The following CCSER2 variants were observed in gnomAD, a reference collection of about 807,000 sequenced individuals.
CCSER2 encodes the protein serine-rich coiled-coil domain-containing protein 2.
A neutral mutation model predicts 92.3 loss-of-function variants in CCSER2; 46 were observed. The observed-to-expected ratio is 0.50, with a 90% confidence interval of 0.39 to 0.64. The LOEUF is 0.64. Ranked by LOEUF, CCSER2 falls within the 30% of genes least tolerant of loss-of-function variation. The probability of loss-of-function intolerance (pLI) is 0.00; values close to 1 mark genes in which losing one functional copy is unlikely to be tolerated. For missense variants in CCSER2, 1,244 were observed against 1,238.9 expected, an observed-to-expected ratio of 1.00 and a Z score of -0.06; for synonymous variants, 433 against 431.4, an observed-to-expected ratio of 1.00 and a Z score of -0.04.
Position 84,372,051 on chromosome 10 carries a change from T to C in CCSER2, c.999T>C (p.Thr333=). 1.2e-6 allele frequency: 2 copies of C among 1,613,894 alleles called. No homozygotes were observed. The highest frequency in any genetic ancestry group is 1.7e-6 in the Non-Finnish European group (2 of 1,179,844). Residue 333 remains threonine, a synonymous_variant, in exon 2 of 10, where the codon ACT becomes ACC. Coordinates refer to ENST00000372088, the MANE Select transcript of CCSER2 (RefSeq NM_001284240.2). ...LKSSRSPFSG[T]MTVDGNKNSP... is the part of the protein sequence containing the mutation. ...CTAGCCGATCTCCATTTTCTGGGAC[T>C]ATGACAGTTGATGGAAATAAAAATT...
intron 4 of CCSER2, chr10:84,424,992 C>A: frequency 1.0e-6 from 1 of 984,876 alleles, no homozygotes; most frequent in Non-Finnish European, 1.2e-6. Flanking sequence ...CAATGTCTCC[C>A]TTGTGCAAAG....
At chr10:84,478,530 G>T (rs1388252634) in intron 9 of CCSER2, among the ~76,000 whole-genome samples, 1 of 152,162 alleles carries the variant, frequency 6.6e-6, no homozygotes, top group Non-Finnish European at 1.5e-5. Flanking sequence ...GTTTATAAAA[G>T]AGTTTTGTTT....
rs536157641 is a variant in CCSER2 at position 84,342,705 on chromosome 10, T to C, written c.-40+13897T>C. 3.3e-5 allele frequency among the ~76,000 whole-genome samples: 5 copies of C among 152,274 alleles called. No homozygotes were observed. In the South Asian group the frequency reaches 8.3e-4, roughly 25 times the overall value. On this transcript the variant is annotated intron_variant, in intron 1 of 9. Transcript: ENST00000372088. ...ACTTCACACATTCTTTTTTTTTGCG[T>C]TGTGTACTACTCATTCCCCCGCAAC...
intron 5 of CCSER2, among the ~76,000 whole-genome samples, chr10:84,433,581 A>G (rs1236792161): frequency 6.6e-6 from 1 of 152,222 alleles, no homozygotes; most frequent in Non-Finnish European, 1.5e-5. Context: ...AGTGGGAAGA[A>G]TAAAGTTATT....
Position 84,372,063 on chromosome 10 carries a change from T to A in CCSER2, c.1011T>A (p.Asp337Glu). Residue 337 changes from aspartate to glutamate, a missense_variant, in exon 2 of 10, where the codon GAT becomes GAA. Asp to Glu is a conservative substitution (Grantham distance 45, BLOSUM62 2). Transcript: ENST00000372088. ...CATTTTCTGGGACTATGACAGTTGA[T>A]GGAAATAAAAATTCACCTGCTGACA... ...RSPFSGTMTV[D>E]GNKNSPADTC... 1 of 1,613,856 alleles carries A rather than the reference T, an allele frequency of 6.2e-7. No individual in the cohort carries two copies. Among genetic ancestry groups the A allele is most frequent in the South Asian group, 1.1e-5 (1 of 91,078 alleles).
At chr10:84,446,944 C>A (rs1844956286) in intron 6 of CCSER2, among the ~76,000 whole-genome samples, 1 of 151,042 alleles carries the variant, frequency 6.6e-6, no homozygotes, top group Non-Finnish European at 1.5e-5. Flanking sequence ...CATTAATTTT[C>A]ATTTCTCTAT....
At chr10:84,398,262 T>G (rs943035001) in intron 3 of CCSER2, among the ~76,000 whole-genome samples, 2 of 152,206 alleles carry the variant, frequency 1.3e-5, no homozygotes, top group Non-Finnish European at 2.9e-5. Context: ...CTGTCTGTCT[T>G]CTGCCTCCCT....
chr10:84,360,955 C>T (rs146938011), intron 1 of CCSER2, among the ~76,000 whole-genome samples: 94 of 152,322 alleles, frequency 6.2e-4, no homozygotes, highest in Non-Finnish European at 7.4e-4. Flanking sequence ...CATTCTGTTT[C>T]CTCCACATGC....
chr10:84,489,922 T>G (rs918120757), intron 9 of CCSER2, among the ~76,000 whole-genome samples: 1 of 152,228 alleles, frequency 6.6e-6, no homozygotes, highest in Admixed American at 6.5e-5. Context: ...GGAGCTCTTT[T>G]AGGGCAGGCC....
chr10:84,330,651 T>TA (rs1843514062), intron 1 of CCSER2, among the ~76,000 whole-genome samples: 1 of 152,242 alleles, frequency 6.6e-6, no homozygotes, highest in South Asian at 2.1e-4. Context: ...TAGCTGGAAT[T>TA]ATAGGCACAC....
In CCSER2 at chr10:84,373,703, T is replaced by C; in HGVS notation, c.1502T>C (p.Leu501Pro). ...TDYRAGSSFE[L>P]SPSDSSDGTY... ...TACAGAGCTGGTTCTTCGTTTGAAC[T>C]CTCTCCATCTGATAGCTCTGATGGA... Residue 501 changes from leucine to proline, a missense_variant, in exon 3 of 10, where the codon CTC becomes CCC. Physicochemically the swap from Leu to Pro is moderately conservative, Grantham distance 98. Coordinates refer to ENST00000372088, the MANE Select transcript of CCSER2 (RefSeq NM_001284240.2). 6.2e-7 allele frequency: 1 copy of C among 1,613,738 alleles called. No individual in the cohort carries two copies. The highest frequency in any genetic ancestry group is 8.5e-7 in the Non-Finnish European group (1 of 1,179,768).
intron 1 of CCSER2, among the ~76,000 whole-genome samples, chr10:84,358,668 A>G (rs976987313): frequency 3.4e-5 from 5 of 146,774 alleles, no homozygotes; most frequent in African/African-American, 5.1e-5. Flanking sequence ...ATACATATAC[A>G]TATATGTATA....
chr10:84,397,080 A>G (rs1023129014), intron 3 of CCSER2, among the ~76,000 whole-genome samples: 2 of 152,220 alleles, frequency 1.3e-5, no homozygotes, highest in Admixed American at 6.5e-5. Context: ...AAACTTCTGC[A>G]TATAAAAGTG....
In CCSER2 at chr10:84,514,230, A is replaced by G. The variant is rs1232832633; in HGVS notation, c.3107A>G (p.Asn1036Ser). 1 of 1,536,400 alleles carries G rather than the reference A, an allele frequency of 6.5e-7. No homozygotes were observed. Among genetic ancestry groups the G allele is most frequent in the Non-Finnish European group, 8.7e-7 (1 of 1,146,944 alleles). The change falls in exon 10 of 10, where the codon AAT becomes AGT. Residue 1036 changes from asparagine (N) to serine (S), a missense_variant. Asn to Ser is a conservative substitution (Grantham distance 46). Coordinates refer to ENST00000372088, the MANE Select transcript of CCSER2 (RefSeq NM_001284240.2). Reference protein sequence around the residue: ...NLHSGDCLASNRYSRLPKPKI... With the variant: ...NLHSGDCLASSRYSRLPKPKI... ...CATTCTGGGGATTGTTTGGCCTCTA[A>G]TCGATATTCTCGTCTTCCTAAACCA...
chr10:84,400,182 T>C (rs190698214), intron 3 of CCSER2, among the ~76,000 whole-genome samples: 1 of 152,330 alleles, frequency 6.6e-6, no homozygotes. Flanking sequence ...TTCTGTAGGC[T>C]TCTTGATAAT....
At chr10:84,380,583 A>G (rs767697810) in intron 3 of CCSER2, among the ~76,000 whole-genome samples, 8 of 152,062 alleles carry the variant, frequency 5.3e-5, no homozygotes, top group Non-Finnish European at 8.8e-5. Flanking sequence ...TTGTTTACAG[A>G]GAGATGTTAT....
intron 7 of CCSER2, among the ~76,000 whole-genome samples, chr10:84,468,322 A>G (rs1033264596): frequency 2.0e-5 from 3 of 152,140 alleles, no homozygotes; most frequent in African/African-American, 4.8e-5. Context: ...GCCTATCTTT[A>G]TATATAAAAT....
At chr10:84,391,532 G>A (rs1343728665) in intron 3 of CCSER2, 35 of 1,506,710 alleles carry the variant, frequency 2.3e-5, no homozygotes, top group Non-Finnish European at 3.1e-5. Flanking sequence ...CCCAAATCCA[G>A]AATTCATTTC....
intron 3 of CCSER2, among the ~76,000 whole-genome samples, chr10:84,379,251 G>T (rs1425687031): frequency 6.6e-6 from 1 of 152,046 alleles, no homozygotes; most frequent in Non-Finnish European, 1.5e-5. Flanking sequence ...AGTTGTTTAG[G>T]ATTATCCTCT....
Sources: allele counts gnomAD v4.1 joint callset (sites outside exome capture counted in the v4.1 genomes callset), GRCh38; gene constraint gnomAD v4.1.1; transcripts MANE v1.5; gene names NCBI Gene and HGNC (gene_info 2026-07-23, HGNC 2026-07-21).